TFR2: variants seen among roughly 807,000 people sequenced by gnomAD.
TFR2 encodes transferrin receptor protein 2.
In TFR2, 64 loss-of-function variants were observed where a neutral mutation model predicts 91.9. That is an observed-to-expected ratio of 0.70 (90% CI 0.57 to 0.86). TFR2 has a LOEUF of 0.86. Ranked by LOEUF, TFR2 falls within the 40% of genes least tolerant of loss-of-function variation. The probability of loss-of-function intolerance (pLI) is 0.00; values close to 1 mark genes in which losing one functional copy is unlikely to be tolerated. For missense variants in TFR2, 950 were observed against 1,080.5 expected, an observed-to-expected ratio of 0.88 and a Z score of 1.69; for synonymous variants, 454 against 459.6, an observed-to-expected ratio of 0.99 and a Z score of 0.15.
Position 100,633,334 on chromosome 7 carries a change from G to C in TFR2, c.621C>G (p.His207Gln). 6.2e-7 allele frequency: 1 copy of C among 1,613,292 alleles called. No homozygotes were observed. Among genetic ancestry groups the C allele is most frequent in the Non-Finnish European group, 8.5e-7 (1 of 1,179,788 alleles). ...YVGLQFPDPA[H>Q]PNTLHWVDEA... Reference sequence around the variant, plus strand: ...CATCGACCCAGTGCAGGGTGTTGGGGTGAGCCCTGGGGAGCGGGGCTGGTG... The same window carrying C: ...CATCGACCCAGTGCAGGGTGTTGGGCTGAGCCCTGGGGAGCGGGGCTGGTG... The change falls in exon 5 of 18, where the codon CAC (histidine) becomes CAG (glutamine). Residue 207 changes from histidine (H) to glutamine (Q), a missense_variant. Physicochemically the swap from His to Gln is conservative, Grantham distance 24 (BLOSUM62 0). Transcript: ENST00000223051.
intron 3 of TFR2, among the ~76,000 whole-genome samples, chr7:100,636,161 AC>A (rs1242922923): frequency 7.2e-6 from 1 of 138,772 alleles, no homozygotes; most frequent in African/African-American, 2.7e-5. Context: ...CCCTGGTCAC[AC>A]CCTGCATCTT....
intron 6 of TFR2, 98 bp downstream of exon 6, chr7:100,632,903 T>A: frequency 6.2e-7 from 1 of 1,601,706 alleles, no homozygotes; most frequent in Non-Finnish European, 8.5e-7. Flanking sequence ...ACATGGTTCT[T>A]TCCTGTCTCC....
chr7:100,626,546 G>C, intron 17 of TFR2: 2 of 1,398,662 alleles, frequency 1.4e-6, no homozygotes, highest in Non-Finnish European at 1.9e-6. Context: ...CAAGAGGCTG[G>C]CCCTCCCTGT....
At chr7:100,636,023 T>C (rs1442492434) in intron 3 of TFR2, among the ~76,000 whole-genome samples, 1 of 152,178 alleles carries the variant, frequency 6.6e-6, no homozygotes. Context: ...AGTTAGACTG[T>C]TTTAGTCTCT....
chr7:100,637,251 T>C (rs1479216265), intron 3 of TFR2, among the ~76,000 whole-genome samples: 1 of 151,924 alleles, frequency 6.6e-6, no homozygotes, highest in Admixed American at 6.6e-5. Context: ...AATACAAAAT[T>C]AGCTGGGTGT....
At chr7:100,631,512 T>C (rs1199701510) in intron 8 of TFR2, 3 of 362,022 alleles carry the variant, frequency 8.3e-6, no homozygotes, top group South Asian at 5.0e-5. Flanking sequence ...TAATCCTAGA[T>C]ACTCTGGAGT....
At chr7:100,633,188 C>G (rs572888081) in intron 5 of TFR2, 41 bp downstream of exon 5, 14 of 1,613,050 alleles carry the variant, frequency 8.7e-6, no homozygotes, top group African/African-American at 2.7e-5. Context: ...GGAAAGGGCT[C>G]GTGCCGCGCC....
intron 3 of TFR2, among the ~76,000 whole-genome samples, chr7:100,636,069 C>T (rs144851514): frequency 0.025 from 3,767 of 152,124 alleles, 68 homozygotes; most frequent in Non-Finnish European, 0.037. Flanking sequence ...GTACCTGCCA[C>T]GTAGTAGATG....
rs80338889 is a variant in TFR2 at position 100,626,830 on chromosome 7, T to C, written c.2069A>G (p.Gln690Arg). 1 of 1,549,548 alleles carries C rather than the reference T, an allele frequency of 6.5e-7. No individual in the cohort carries two copies. The highest frequency in any genetic ancestry group is 8.7e-7 in the Non-Finnish European group (1 of 1,146,988). Residue 690 changes from glutamine (Q) to arginine (R), a missense_variant, in exon 17 of 18, where the codon CAG (glutamine) becomes CGG (arginine). Physicochemically the swap from Gln to Arg is conservative, Grantham distance 43. Transcript: ENST00000223051. ...TCTCTCCTCCGAGCTGTAGATCTCCTGCCGCAGCTTTTCCGCCGCCCGGAT... is the reference window on the plus strand; with the variant it reads ...TCTCTCCTCCGAGCTGTAGATCTCCCGCCGCAGCTTTTCCGCCGCCCGGAT... ...DYIRAAEKLRQEIYSSEERDE... is the reference protein window; with the variant it reads ...DYIRAAEKLRREIYSSEERDE...
chr7:100,633,082 C>G lies in TFR2; in HGVS notation c.768G>C (p.Leu256=), dbSNP rs761605882. The G allele has an allele frequency of 2.1e-5, 34 of 1,613,602 alleles. No homozygotes were observed. The highest frequency in any genetic ancestry group is 2.9e-5 in the Non-Finnish European group (34 of 1,179,980). The change falls in exon 6 of 18, where the codon CTG becomes CTC. Residue 256 remains leucine, a synonymous_variant. Coordinates refer to ENST00000223051, the MANE Select transcript of TFR2 (RefSeq NM_003227.4). ...VYAHYGRPED[L]QDLRARGVDP... ...CCACGCCCCTGGCCCGCAGGTCCTG[C>G]AGGTCTTCGGGCCGCCCGTAGTGGG...
At chr7:100,631,490 G>T (rs143690831) in intron 8 of TFR2, 1 of 324,546 alleles carries the variant, frequency 3.1e-6, no homozygotes, top group Non-Finnish European at 5.9e-6. Flanking sequence ...GGGCGTGGTG[G>T]GGGGGCACCT....
rs1254986913 is a variant in TFR2, at chr7:100,633,401, C to T, written c.614+15G>A. On this transcript the variant is annotated intron_variant, in intron 4 of 17. Coordinates refer to ENST00000223051, the MANE Select transcript of TFR2 (RefSeq NM_003227.4). Reference sequence around the variant, plus strand: ...TCCCCCTCCCCGCGCGCCCCCCGCCCGCGCGCGCACTCACGGATCCGGGAA... The same window carrying T: ...TCCCCCTCCCCGCGCGCCCCCCGCCTGCGCGCGCACTCACGGATCCGGGAA... The T allele has an allele frequency of 5.0e-6, 8 of 1,605,660 alleles. No homozygotes were observed. Among genetic ancestry groups the T allele is most frequent in the Non-Finnish European group, 6.0e-6 (7 of 1,175,822 alleles).
rs1325461224 is a variant in TFR2, at chr7:100,641,090, C to T, written c.172G>A (p.Gly58Ser). Reference sequence around the variant, plus strand: ...GGTCTAGAGCCCAGGGGCTCAGGGCCCCTCAGCTCCATGGGGCAGAAGTGG... The same window carrying T: ...GGTCTAGAGCCCAGGGGCTCAGGGCTCCTCAGCTCCATGGGGCAGAAGTGG... ...LAHFCPMELRGPEPLGSRPRQ... is the reference protein window; with the variant it reads ...LAHFCPMELRSPEPLGSRPRQ... The change falls in exon 2 of 18, where the codon GGC becomes AGC. Residue 58 changes from glycine (G) to serine (S), a missense_variant. Transcript: ENST00000223051. 6.3e-7 allele frequency: 1 copy of T among 1,598,682 alleles called. No individual in the cohort carries two copies. Among genetic ancestry groups the T allele is most frequent in the South Asian group, 1.1e-5 (1 of 89,468 alleles).
chr7:100,630,261 TC>T, intron 9 of TFR2, among the ~76,000 whole-genome samples: 1 of 152,074 alleles, frequency 6.6e-6, no homozygotes, highest in Middle Eastern at 3.4e-3. Context: ...TTTCTTTTTT[TC>T]TTTCTCTTTC....
intron 3 of TFR2, among the ~76,000 whole-genome samples, chr7:100,634,152 C>T (rs754275703): frequency 8.0e-5 from 12 of 149,584 alleles, no homozygotes; most frequent in Non-Finnish European, 1.6e-4. Context: ...AAACTCTCTC[C>T]CCCAACCTCG....
In TFR2 at chr7:100,627,388, T is replaced by C. The variant is rs1355643196; in HGVS notation, c.1871A>G (p.Gln624Arg). The C allele has an allele frequency of 6.4e-7, 1 of 1,560,668 alleles. No individual in the cohort carries two copies. Among genetic ancestry groups the C allele is most frequent in the Non-Finnish European group, 8.7e-7 (1 of 1,152,178 alleles). ...RLPAVAQAVA[Q>R]LAGQLLIRLS... ...CCGGATGAGGAGCTGCCCTGCGAGCTGGGCCACGGCCTGGGCCACGGCGGG... is the reference window on the plus strand; with the variant it reads ...CCGGATGAGGAGCTGCCCTGCGAGCCGGGCCACGGCCTGGGCCACGGCGGG... The change falls in exon 16 of 18, where the codon CAG becomes CGG. Residue 624 changes from glutamine to arginine, a missense_variant. Physicochemically the swap from Gln to Arg is conservative, Grantham distance 43 (BLOSUM62 1). Coordinates refer to ENST00000223051, the MANE Select transcript of TFR2 (RefSeq NM_003227.4).
intron 3 of TFR2, among the ~76,000 whole-genome samples, chr7:100,636,827 C>T (rs1049642453): frequency 1.3e-5 from 2 of 152,034 alleles, no homozygotes; most frequent in African/African-American, 2.4e-5. Flanking sequence ...TGCAATGGCG[C>T]GATCTCGGCT....
chr7:100,626,973 A>ACC, intron 16 of TFR2, 70 bp from the exon 17 acceptor site: 1 of 1,493,044 alleles, frequency 6.7e-7, no homozygotes, highest in Non-Finnish European at 8.9e-7. Flanking sequence ...GGGGACAAGG[A>ACC]CCCCCGCCTA....
At chr7:100,633,385 C>G (rs1254220058) in intron 4 of TFR2, 31 bp downstream of exon 4, 1 of 1,607,154 alleles carries the variant, frequency 6.2e-7, no homozygotes, top group African/African-American at 1.3e-5. Context: ...GTCCCCCTCC[C>G]CGCGCGCCCC....
Sources: allele counts gnomAD v4.1 joint callset (sites outside exome capture counted in the v4.1 genomes callset), GRCh38; gene constraint gnomAD v4.1.1; transcripts MANE v1.5; gene names NCBI Gene and HGNC (gene_info 2026-07-23, HGNC 2026-07-21).